The following ANLN variants were observed in gnomAD, a reference collection of about 807,000 sequenced individuals.
The protein encoded by ANLN is anillin, actin binding protein.
ANLN carries 59 observed loss-of-function variants against 135.1 expected under a neutral mutation model. The ratio of observed to expected loss-of-function variants is 0.44; its 90% CI spans 0.35 to 0.54. The LOEUF (loss-of-function observed/expected upper bound fraction) is 0.54. Ranked by LOEUF, ANLN falls within the 20% of genes least tolerant of loss-of-function variation. The pLI, the probability that ANLN is intolerant of heterozygous loss-of-function variation, is 0.00. For missense variants in ANLN, 1,182 were observed against 1,340.0 expected, an observed-to-expected ratio of 0.88 and a Z score of 1.84; for synonymous variants, 406 against 456.4, an observed-to-expected ratio of 0.89 and a Z score of 1.41.
At chr7:36,422,846 ATGAACCTCACCTAGAT>A in intron 14 of ANLN, 37 bp downstream of exon 14, 1 of 1,548,418 alleles carries the variant, frequency 6.5e-7, no homozygotes, top group Non-Finnish European at 8.7e-7. Context: ...GTGTTAAATT[ATGAACCTCACCTAGAT>A]TGAATTGTAC....
intron 19 of ANLN, among the ~76,000 whole-genome samples, chr7:36,426,322 T>G (rs370807768): frequency 8.4e-4 from 116 of 137,374 alleles, no homozygotes; most frequent in African/African-American, 2.7e-3. Context: ...TTCTATAGAT[T>G]TGTTTTGTGC....
At chr7:36,428,251 A>T (rs1788166674) in intron 20 of ANLN, 1 of 939,606 alleles carries the variant, frequency 1.1e-6, no homozygotes. Context: ...AGCTACTTTA[A>T]CCAGTTGAGT....
intron 20 of ANLN, among the ~76,000 whole-genome samples, chr7:36,432,052 TC>T (rs1788354004): frequency 1.3e-5 from 2 of 152,226 alleles, no homozygotes; most frequent in East Asian, 3.9e-4. Flanking sequence ...CAGTTTTTTT[TC>T]ATCAAAGAAT....
In ANLN at chr7:36,418,831, G is replaced by A. The variant is rs1238600557; in HGVS notation, c.1634-413G>A. ...CGCAATGGCACAATCTGGGCTCACT[G>A]CAACCTCTGCCTCCTGGGTTCAAGT... On this transcript the variant is annotated intron_variant, in intron 9 of 23. Transcript: ENST00000265748. Among the ~76,000 whole-genome samples the A allele has an allele frequency of 2.0e-5, 3 of 150,556 alleles. No homozygotes were observed. The East Asian group carries it at 5.8e-4, about 29-fold the overall frequency.
chr7:36,452,615 A>G lies in ANLN; in HGVS notation c.*15A>G, dbSNP rs763098311. 2.5e-6 allele frequency: 4 copies of G among 1,613,654 alleles called. No homozygotes were observed. The highest frequency in any genetic ancestry group is 1.3e-5 in the African/African-American group (1 of 75,046). On this transcript the variant is annotated 3_prime_UTR_variant, in exon 24 of 24. Coordinates refer to ENST00000265748, the MANE Select transcript of ANLN (RefSeq NM_018685.5). ...GAAAGCCTTAAACCGGGAAATTTCC[A>G]TGCTATCTAGAGGTTTTTGATGTCA...
intron 3 of ANLN, among the ~76,000 whole-genome samples, chr7:36,404,303 A>T (rs547689802): frequency 1.3e-5 from 2 of 152,236 alleles, no homozygotes; most frequent in East Asian, 3.9e-4. Context: ...GAGAGACTTG[A>T]GCATCCAGTA....
chr7:36,423,725 A>G, intron 14 of ANLN, 92 bp from the exon 15 acceptor site: 3 of 1,204,980 alleles, frequency 2.5e-6, no homozygotes, highest in Non-Finnish European at 3.4e-6. Context: ...AAATCAGTTC[A>G]ATATTCCTTT....
At chr7:36,437,363 G>T (rs1012865775) in intron 20 of ANLN, among the ~76,000 whole-genome samples, 1 of 152,186 alleles carries the variant, frequency 6.6e-6, no homozygotes, top group Admixed American at 6.5e-5. Flanking sequence ...CATATGACAG[G>T]ATCTCCTTTT....
intron 7 of ANLN, among the ~76,000 whole-genome samples, 198 bp downstream of exon 7, chr7:36,411,364 TCAC>T (rs1787406139): frequency 6.6e-6 from 1 of 152,254 alleles, no homozygotes; most frequent in Non-Finnish European, 1.5e-5. Context: ...GTGGAACTCT[TCAC>T]CATATTCATT....
At position 36,422,796 on chromosome 7, in the gene ANLN, G is replaced by A. The variant is rs1337148427; in HGVS notation, c.2463G>A (p.Thr821=). 22 of 1,601,712 alleles carry A rather than the reference G, an allele frequency of 1.4e-5. No individual in the cohort carries two copies. Among genetic ancestry groups the A allele is most frequent in the East Asian group, 6.7e-5 (3 of 44,742 alleles). Residue 821 remains threonine, a synonymous_variant, in exon 14 of 24, where the codon ACG becomes ACA. Coordinates refer to ENST00000265748, the MANE Select transcript of ANLN (RefSeq NM_018685.5). ...LPLKADFVCS[T]VQKPDAANYY... Reference sequence around the variant, plus strand: ...TAAAAGCAGATTTTGTCTGCAGTACGGTTCAGAAACCAGGTATGGTGGTGA... The same window carrying A: ...TAAAAGCAGATTTTGTCTGCAGTACAGTTCAGAAACCAGGTATGGTGGTGA...
chr7:36,448,023 C>A (rs2110240), intron 22 of ANLN, among the ~76,000 whole-genome samples: 15,700 of 150,786 alleles, frequency 0.1, 947 homozygotes, highest in East Asian at 0.22. Flanking sequence ...TTTTTCTTTT[C>A]TTTTTTTTTG....
chr7:36,422,065 CTTTAAG>C, intron 13 of ANLN, 73 bp downstream of exon 13: 24 of 1,522,440 alleles, frequency 1.6e-5, no homozygotes, highest in Non-Finnish European at 2.1e-5. Flanking sequence ...ATTTAGAAAT[CTTTAAG>C]TTTAGAGAAA....
intron 21 of ANLN, among the ~76,000 whole-genome samples, chr7:36,442,303 G>A (rs1242366832): frequency 6.6e-6 from 1 of 152,206 alleles, no homozygotes; most frequent in Non-Finnish European, 1.5e-5. Context: ...GTTGGAATAT[G>A]AAGGTAATCT....
chr7:36,447,964 C>T (rs924984013), intron 22 of ANLN, among the ~76,000 whole-genome samples: 4 of 152,130 alleles, frequency 2.6e-5, no homozygotes, highest in African/African-American at 9.7e-5. Context: ...CACACACACA[C>T]ACCCCCTGCC....
At chr7:36,423,138 A>G (rs756919922) in intron 14 of ANLN, among the ~76,000 whole-genome samples, 4 of 152,186 alleles carry the variant, frequency 2.6e-5, no homozygotes, top group Non-Finnish European at 4.4e-5. Flanking sequence ...AAAGAAATAA[A>G]GGAATACTGA....
chr7:36,424,504 G>T, intron 15 of ANLN, 41 bp from the exon 16 acceptor site: 1 of 1,501,208 alleles, frequency 6.7e-7, no homozygotes, highest in South Asian at 1.2e-5. Flanking sequence ...GTGTGATTGA[G>T]GTTTTCTCTC....
Position 36,389,865 on chromosome 7 carries a change from T to C in ANLN, c.-162T>C. The C allele has an allele frequency of 1.5e-6, 2 of 1,294,266 alleles. No homozygotes were observed. Among genetic ancestry groups the C allele is most frequent in the Non-Finnish European group, 2.2e-6 (2 of 916,974 alleles). The allele number at this position is 1,294,266 out of a possible 1,614,324, so 80.2% of individuals were successfully genotyped here. ...AATTTGAACGGCTGCAGAGGCCGAG[T>C]CCGTCACTGGAAGCCGAGAGGAGAG... On this transcript the variant is annotated 5_prime_UTR_variant, in exon 1 of 24. Coordinates refer to ENST00000265748, the MANE Select transcript of ANLN (RefSeq NM_018685.5).
At chr7:36,406,991 AG>A in intron 4 of ANLN, among the ~76,000 whole-genome samples, 1 of 152,380 alleles carries the variant, frequency 6.6e-6, no homozygotes, top group African/African-American at 2.4e-5. Flanking sequence ...ATTGCCAAAC[AG>A]GGTGTGATAC....
intron 20 of ANLN, among the ~76,000 whole-genome samples, chr7:36,434,120 C>G (rs1317518264): frequency 6.6e-6 from 1 of 152,124 alleles, no homozygotes; most frequent in Non-Finnish European, 1.5e-5. Context: ...ACAGTAGAGA[C>G]TGAAATAGGT....
Sources: gnomAD v4.1 joint callset for allele counts (sites outside exome capture counted in the v4.1 genomes callset) on GRCh38, gnomAD v4.1.1 for gene constraint, MANE v1.5 for transcripts, NCBI Gene and HGNC (gene_info 2026-07-23, HGNC 2026-07-21) for gene names.